Variants in RPL41 observed in about 807,000 individuals in gnomAD.
RPL41 encodes the protein ribosomal protein L41, also known as small ribosomal subunit protein eS32.
In RPL41, 3 loss-of-function variants were observed where a neutral mutation model predicts 7.3. That is an observed-to-expected ratio of 0.41 (90% CI 0.19 to 1.06). RPL41 has a LOEUF of 1.06. Ranked by LOEUF, RPL41 falls within the 50% of genes least tolerant of loss-of-function variation. The probability of loss-of-function intolerance (pLI) is 0.32; values close to 1 mark genes in which losing one functional copy is unlikely to be tolerated. For missense variants in RPL41, 13 were observed against 30.4 expected (o/e 0.43, Z 1.35); for synonymous variants, 9 against 7.4 (o/e 1.21, Z -0.34).
At position 56,117,168 on chromosome 12, in the gene RPL41, CT is replaced by C. The variant is rs1317274434; in HGVS notation, c.13-20del. The C allele has an allele frequency of 4.2e-6, 6 of 1,437,654 alleles. No individual in the cohort carries two copies. Among genetic ancestry groups the C allele is most frequent in the Non-Finnish European group, 5.6e-6 (6 of 1,077,788 alleles). The allele number at this position is 1,437,654 out of a possible 1,614,324, so 89.1% of individuals were successfully genotyped here. A position where few individuals can be genotyped will look rare whatever the true frequency, so the allele number is the denominator to read the frequency against. ...TTTTTTTTTTTTTTTTAATTATCTG[CT>C]GCTTGTGATCGGTTGCTAGTGGAGG... On this transcript the variant is annotated intron_variant, in intron 1 of 2. Transcript: ENST00000546591.
chr12:56,116,753 G>T lies in RPL41; in HGVS notation c.-35G>T. ...GCATCATCACAGCAAACTAACTGTAGCCTTTCTCTCTTTCCCTGTAGAAAC... is the reference window on the plus strand; with the variant it reads ...GCATCATCACAGCAAACTAACTGTATCCTTTCTCTCTTTCCCTGTAGAAAC... On this transcript the variant is annotated 5_prime_UTR_variant, in exon 1 of 3. Coordinates refer to ENST00000546591, the MANE Select transcript of RPL41 (RefSeq NM_001035267.2). 1 of 1,613,798 alleles carries T rather than the reference G, an allele frequency of 6.2e-7. No homozygotes were observed. The highest frequency in any genetic ancestry group is 8.5e-7 in the Non-Finnish European group (1 of 1,179,650).
In RPL41 at chr12:56,117,598, A is replaced by C; in HGVS notation, c.*74A>C. The C allele has an allele frequency of 8.9e-7, 1 of 1,126,306 alleles. No homozygotes were observed. The highest frequency in any genetic ancestry group is 2.6e-5 in the East Asian group (1 of 38,934). The allele number at this position is 1,126,306 out of a possible 1,614,324, so 69.8% of individuals were successfully genotyped here. ...TGCCAGACGCTGGGGATGCTGGTAC[A>C]AGTTGTGGGACTGCATGCTACTGTC... On this transcript the variant is annotated 3_prime_UTR_variant, in exon 3 of 3. Transcript: ENST00000546591.
In RPL41 at chr12:56,117,913, T is replaced by C. The variant is rs1869673932; in HGVS notation, c.*389T>C. 1 of 329,928 alleles carries C rather than the reference T, an allele frequency of 3.0e-6. No individual in the cohort carries two copies. The allele number at this position is 329,928 out of a possible 1,614,324, so 20.4% of individuals were successfully genotyped here. On this transcript the variant is annotated 3_prime_UTR_variant, in exon 3 of 3. Coordinates refer to ENST00000546591, the MANE Select transcript of RPL41 (RefSeq NM_001035267.2). ...GTTTGCCCTGTCACTACCTGTGCTA[T>C]GGAGGGTATCAAAGCTATAAAGGCA...
At position 56,116,738 on chromosome 12, in the gene RPL41, A is replaced by C. The variant is rs765907743; in HGVS notation, c.-50A>C. 1 of 1,611,898 alleles carries C rather than the reference A, an allele frequency of 6.2e-7. No individual in the cohort carries two copies. Among genetic ancestry groups the C allele is most frequent in the Admixed American group, 1.7e-5 (1 of 60,006 alleles). On this transcript the variant is annotated 5_prime_UTR_variant, in exon 1 of 3. Transcript: ENST00000546591. ...TGACCTCGGCACTTAGCATCATCACAGCAAACTAACTGTAGCCTTTCTCTC... is the reference window on the plus strand; with the variant it reads ...TGACCTCGGCACTTAGCATCATCACCGCAAACTAACTGTAGCCTTTCTCTC...
rs995729934 is a variant in RPL41 at position 56,117,179 on chromosome 12, C to G, written c.13-10C>G. On this transcript the variant is annotated splice_polypyrimidine_tract_variant and intron_variant, in intron 1 of 2. Coordinates refer to ENST00000546591, the MANE Select transcript of RPL41 (RefSeq NM_001035267.2). The stretch of plus-strand genomic sequence containing the variant: ...TTTTTAATTATCTGCTGCTTGTGAT[C>G]GGTTGCTAGTGGAGGAAGAAGCGAA... 2.0e-6 allele frequency: 3 copies of G among 1,533,402 alleles called. No individual in the cohort carries two copies. The African/African-American group carries it at 4.5e-5, about 23-fold the overall frequency. 95.0% of individuals were successfully genotyped at this position (1,533,402 alleles called of 1,614,324 possible). A position where few individuals can be genotyped will look rare whatever the true frequency, so the allele number is the denominator to read the frequency against.
intron 1 of RPL41, 87 bp downstream of exon 1, chr12:56,116,886 A>G: frequency 6.5e-7 from 1 of 1,533,894 alleles, no homozygotes; most frequent in East Asian, 2.2e-5. Context: ...TACCTCCTGA[A>G]CTACTGGGTT....
At chr12:56,117,317 T>C in intron 2 of RPL41, 106 bp downstream of exon 2, 1 of 1,469,554 alleles carries the variant, frequency 6.8e-7, no homozygotes, top group Non-Finnish European at 9.2e-7. Flanking sequence ...GAAAAACGTT[T>C]GAGTGTTTTC....
chr12:56,117,060 T>A (rs1354701974), intron 1 of RPL41, 129 bp from the exon 2 acceptor site: 1 of 1,340,384 alleles, frequency 7.5e-7, no homozygotes, highest in East Asian at 2.5e-5. Flanking sequence ...CAATCTTTCA[T>A]ACTTCTTGGT....
In RPL41 at chr12:56,116,688, A is replaced by T. The variant is rs1182138935; in HGVS notation, c.-100A>T. On this transcript the variant is annotated 5_prime_UTR_variant, in exon 1 of 3. Coordinates refer to ENST00000546591, the MANE Select transcript of RPL41 (RefSeq NM_001035267.2). ...AGTGTTTTTTGGTTCCTGCGTTGGGATTCCGTGTACAATCCATAGACATCT... is the reference window on the plus strand; with the variant it reads ...AGTGTTTTTTGGTTCCTGCGTTGGGTTTCCGTGTACAATCCATAGACATCT... 1 of 1,429,914 alleles carries T rather than the reference A, an allele frequency of 7.0e-7. No homozygotes were observed. Among genetic ancestry groups the T allele is most frequent in the East Asian group, 2.3e-5 (1 of 43,772 alleles). The allele number at this position is 1,429,914 out of a possible 1,614,324, so 88.6% of individuals were successfully genotyped here.
intron 2 of RPL41, 119 bp downstream of exon 2, chr12:56,117,330 C>T: frequency 2.1e-6 from 3 of 1,436,372 alleles, no homozygotes; most frequent in East Asian, 2.5e-5. Context: ...GTGTTTTCTC[C>T]CTGGAGCCAG....
Position 56,117,733 on chromosome 12 carries a change from C to G in RPL41, c.*209C>G. 1 of 578,808 alleles carries G rather than the reference C, an allele frequency of 1.7e-6. No homozygotes were observed. The allele number at this position is 578,808 out of a possible 1,614,324, so 35.9% of individuals were successfully genotyped here. A position where few individuals can be genotyped will look rare whatever the true frequency, so the allele number is the denominator to read the frequency against. ...GCCCATGTTGGTCCTCTGCCCTGGA[C>G]CTGTGACATTCTGGACTATTTCTGT... On this transcript the variant is annotated 3_prime_UTR_variant, in exon 3 of 3. Transcript: ENST00000546591.
chr12:56,116,891 T>C (rs558253683), intron 1 of RPL41, 92 bp downstream of exon 1: 48 of 1,526,448 alleles, frequency 3.1e-5, no homozygotes, highest in Non-Finnish European at 4.1e-5. Flanking sequence ...CCTGAACTAC[T>C]GGGTTTCAAG....
Position 56,117,952 on chromosome 12 carries a change from C to CGTGGT in RPL41, c.*434_*438dup. ...GCTATAAAGGCAACAGCCCGGGTTA[C>CGTGGT]GTGGTGTGGTTTGCATCTCGCTGGA... On this transcript the variant is annotated 3_prime_UTR_variant, in exon 3 of 3. Coordinates refer to ENST00000546591, the MANE Select transcript of RPL41 (RefSeq NM_001035267.2). The CGTGGT allele has an allele frequency of 7.2e-6, 2 of 279,378 alleles. No individual in the cohort carries two copies. The highest frequency in any genetic ancestry group is 1.4e-5 in the Non-Finnish European group (2 of 140,102). 17.3% of individuals were successfully genotyped at this position (279,378 alleles called of 1,614,324 possible).
rs1193504710 is a variant in RPL41, at chr12:56,117,884, T to TA, written c.*361dup. ...CCATCGGGTGGGGGTTTTCTGTCAT[T>TA]AGAGTTTGCCCTGTCACTACCTGTG... On this transcript the variant is annotated 3_prime_UTR_variant, in exon 3 of 3. Coordinates refer to ENST00000546591, the MANE Select transcript of RPL41 (RefSeq NM_001035267.2). 8.5e-5 allele frequency: 30 copies of TA among 354,950 alleles called. No homozygotes were observed. The highest frequency in any genetic ancestry group is 1.3e-4 in the Non-Finnish European group (23 of 181,822). The allele number at this position is 354,950 out of a possible 1,614,324, so 22.0% of individuals were successfully genotyped here.
At position 56,116,672 on chromosome 12, in the gene RPL41, T is replaced by G; in HGVS notation, c.-116T>G. The G allele has an allele frequency of 7.7e-7, 1 of 1,303,422 alleles. No individual in the cohort carries two copies. The highest frequency in any genetic ancestry group is 1.1e-6 in the Non-Finnish European group (1 of 899,418). 80.7% of individuals were successfully genotyped at this position (1,303,422 alleles called of 1,614,324 possible). Reference sequence around the variant, plus strand: ...GCCATTTTTTTGGGTGAGTGTTTTTTGGTTCCTGCGTTGGGATTCCGTGTA... The same window carrying G: ...GCCATTTTTTTGGGTGAGTGTTTTTGGGTTCCTGCGTTGGGATTCCGTGTA... On this transcript the variant is annotated 5_prime_UTR_variant, in exon 1 of 3. Coordinates refer to ENST00000546591, the MANE Select transcript of RPL41 (RefSeq NM_001035267.2).
chr12:56,116,932 T>C, intron 1 of RPL41, 133 bp downstream of exon 1: 1 of 1,281,980 alleles, frequency 7.8e-7, no homozygotes. Flanking sequence ...AGAGAGAAGG[T>C]AGTTTGTGAG....
chr12:56,117,274 A>G (rs958042121), intron 2 of RPL41, 63 bp downstream of exon 2: 6 of 1,566,246 alleles, frequency 3.8e-6, no homozygotes, highest in African/African-American at 2.8e-5. Flanking sequence ...TAGGAGAAAC[A>G]TTTGGTTTGG....
intron 1 of RPL41, 76 bp from the exon 2 acceptor site, chr12:56,117,113 C>T: frequency 6.6e-7 from 1 of 1,509,820 alleles, no homozygotes; most frequent in Non-Finnish European, 8.8e-7. Flanking sequence ...CATATCCTTG[C>T]TAAGCCTACT....
Position 56,117,647 on chromosome 12 carries a change from G to A in RPL41, c.*123G>A. 1.3e-6 allele frequency: 1 copy of A among 774,740 alleles called. No homozygotes were observed. The highest frequency in any genetic ancestry group is 1.5e-5 in the South Asian group (1 of 67,622). 48.0% of individuals were successfully genotyped at this position (774,740 alleles called of 1,614,324 possible). A position where few individuals can be genotyped will look rare whatever the true frequency, so the allele number is the denominator to read the frequency against. ...TCTAGAGCTTGTCTCAATGGATCTA[G>A]AACTTCATCGCCCTCTGATCGCCGA... On this transcript the variant is annotated 3_prime_UTR_variant, in exon 3 of 3. Transcript: ENST00000546591.
Sources: allele counts gnomAD v4.1 joint callset, GRCh38; gene constraint gnomAD v4.1.1; transcripts MANE v1.5; gene names NCBI Gene and HGNC (gene_info 2026-07-23, HGNC 2026-07-21).